The following PCSK5 variants were observed in gnomAD, a reference collection of about 807,000 sequenced individuals.
The protein encoded by PCSK5 is prohormone convertase 5.
PCSK5 carries 129 observed loss-of-function variants against 233.2 expected under a neutral mutation model. The observed-to-expected ratio is 0.55, with a 90% CI of 0.48 to 0.64. The LOEUF (loss-of-function observed/expected upper bound fraction) is 0.64, where lower values mean the gene tolerates loss of function less well. Among genes scored for constraint, PCSK5 ranks in the 30% least tolerant of loss-of-function variants. The pLI is 0.00. For synonymous variants in PCSK5, 825 were observed against 879.2 expected (o/e 0.94, Z 1.09); for missense variants, 2,076 against 2,430.1 (o/e 0.85, Z 3.06).
At chr9:76,005,520 T>A (rs771303257) in intron 3 of PCSK5, among the ~76,000 whole-genome samples, 2 of 152,202 alleles carry the variant, frequency 1.3e-5, no homozygotes, top group African/African-American at 2.4e-5. Context: ...TTCATAGAGA[T>A]CTTTATTCTT....
At chr9:76,228,567 G>A (rs1300757157) in intron 21 of PCSK5, among the ~76,000 whole-genome samples, 2 of 152,230 alleles carry the variant, frequency 1.3e-5, no homozygotes, top group East Asian at 1.9e-4. Context: ...GTATGCAAAT[G>A]GAATGAGCAT....
intron 1 of PCSK5, among the ~76,000 whole-genome samples, chr9:75,925,096 A>G (rs1008243808): frequency 6.6e-6 from 1 of 152,188 alleles, no homozygotes; most frequent in Admixed American, 6.5e-5. Context: ...TAGCCTTGTT[A>G]TAAGTATGAT....
At position 76,181,538 on chromosome 9, in the gene PCSK5, A is replaced by G. The variant is rs1255951098; in HGVS notation, c.2144A>G (p.Glu715Gly). ...TGCAAATATGGATACTTTCTGAATGAAGAAACCAACAGCTGTGTTACTCAC... is the reference window on the plus strand; with the variant it reads ...TGCAAATATGGATACTTTCTGAATGGAGAAACCAACAGCTGTGTTACTCAC... ...MSCKYGYFLN[E>G]ETNSCVTHCP... Residue 715 changes from glutamate to glycine, a missense_variant, in exon 16 of 38, where the codon GAA (glutamate) becomes GGA (glycine). Physicochemically the swap from Glu to Gly is moderately conservative, Grantham distance 98. Coordinates refer to ENST00000674117, the MANE Select transcript of PCSK5 (RefSeq NM_001372043.1). 4 of 1,613,900 alleles carry G rather than the reference A, an allele frequency of 2.5e-6. No homozygotes were observed. Among genetic ancestry groups the G allele is most frequent in the Non-Finnish European group, 3.4e-6 (4 of 1,179,948 alleles).
chr9:76,188,180 G>T (rs10869725), intron 17 of PCSK5, among the ~76,000 whole-genome samples: 38,208 of 152,062 alleles, frequency 0.25, 4,966 homozygotes, highest in Middle Eastern at 0.39. Flanking sequence ...AATAACTGTT[G>T]AATTTATTAT....
rs566986166 is a variant in PCSK5 at position 76,153,151 on chromosome 9, C to T, written c.1313-3894C>T. 3.2e-4 allele frequency among the ~76,000 whole-genome samples: 48 copies of T among 152,288 alleles called. No homozygotes were observed. The South Asian group carries it at 3.7e-3, about 12-fold the overall frequency. On this transcript the variant is annotated intron_variant, in intron 10 of 37. Coordinates refer to ENST00000674117, the MANE Select transcript of PCSK5 (RefSeq NM_001372043.1). Reference sequence around the variant, plus strand: ...TAAGCAGCCCTGAACTCTAAAGGAACAGATATAACAGTAGGCAAGTTTTGC... The same window carrying T: ...TAAGCAGCCCTGAACTCTAAAGGAATAGATATAACAGTAGGCAAGTTTTGC...
At chr9:75,948,532 TG>T (rs1465081955) in intron 2 of PCSK5, among the ~76,000 whole-genome samples, 1 of 152,112 alleles carries the variant, frequency 6.6e-6, no homozygotes, top group Non-Finnish European at 1.5e-5. Context: ...GGTGTATATG[TG>T]CCACATTTTC....
At chr9:76,332,299 C>G (rs1829558784) in intron 33 of PCSK5, 134 bp from the exon 34 acceptor site, 5 of 618,542 alleles carry the variant, frequency 8.1e-6, no homozygotes, top group Admixed American at 3.0e-5. Context: ...CCAAACATAT[C>G]CATCAGCTCA....
chr9:76,059,595 C>A (rs934618410), intron 5 of PCSK5, among the ~76,000 whole-genome samples: 6 of 152,108 alleles, frequency 3.9e-5, no homozygotes, highest in African/African-American at 1.4e-4. Context: ...GTTTTCCCAG[C>A]ACCATCTATT....
intron 24 of PCSK5, among the ~76,000 whole-genome samples, chr9:76,285,318 C>T (rs1223635260): frequency 6.6e-6 from 1 of 152,138 alleles, no homozygotes; most frequent in East Asian, 1.9e-4. Context: ...GTATGCTAAA[C>T]TACAATCAAA....
At chr9:76,300,031 A>T (rs929053281) in intron 27 of PCSK5, among the ~76,000 whole-genome samples, 2 of 152,230 alleles carry the variant, frequency 1.3e-5, no homozygotes, top group African/African-American at 4.8e-5. Flanking sequence ...AATCTACAGA[A>T]CACAGACATG....
intron 8 of PCSK5, among the ~76,000 whole-genome samples, chr9:76,099,972 G>A (rs988252702): frequency 1.3e-5 from 2 of 152,156 alleles, no homozygotes; most frequent in African/African-American, 4.8e-5. Context: ...TCTGCTTCTG[G>A]GAAAGCATTT....
chr9:76,203,502 A>G (rs1375621380), intron 20 of PCSK5, among the ~76,000 whole-genome samples: 2 of 151,816 alleles, frequency 1.3e-5, no homozygotes, highest in Non-Finnish European at 2.9e-5. Context: ...AGAAGGCAGA[A>G]GGGGAAGTTA....
chr9:75,921,433 GTAC>G (rs768562423), intron 1 of PCSK5, among the ~76,000 whole-genome samples: 1 of 152,176 alleles, frequency 6.6e-6, no homozygotes, highest in Non-Finnish European at 1.5e-5. Context: ...ATAAAAATAT[GTAC>G]TATTTTCTGT....
chr9:76,320,472 T>C (rs545592520), intron 30 of PCSK5, among the ~76,000 whole-genome samples: 19,199 of 130,620 alleles, frequency 0.15, 2,077 homozygotes, highest in African/African-American at 0.2. Flanking sequence ...TAGCTTTTTT[T>C]TTTTTTTTTT....
chr9:76,029,075 G>A (rs1206393180), intron 5 of PCSK5, among the ~76,000 whole-genome samples: 2 of 152,128 alleles, frequency 1.3e-5, no homozygotes, highest in East Asian at 1.9e-4. Context: ...GCTGTTGGGG[G>A]CAGGTGGGGT....
chr9:76,293,200 G>A (rs1490278542), intron 25 of PCSK5, among the ~76,000 whole-genome samples: 1 of 152,178 alleles, frequency 6.6e-6, no homozygotes, highest in East Asian at 1.9e-4. Context: ...GGTGACAAGA[G>A]AAGGCGACCC....
chr9:76,061,563 G>A (rs981950995), intron 5 of PCSK5, among the ~76,000 whole-genome samples: 11 of 152,044 alleles, frequency 7.2e-5, no homozygotes, highest in Admixed American at 1.3e-4. Flanking sequence ...AACTTACGAA[G>A]ACTAATGAAG....
At chr9:76,332,378 G>T in intron 33 of PCSK5, 55 bp from the exon 34 acceptor site, 1 of 1,371,788 alleles carries the variant, frequency 7.3e-7, no homozygotes, top group Non-Finnish European at 1.0e-6. Flanking sequence ...GGAAAATACA[G>T]GGGAGACATG....
intron 2 of PCSK5, among the ~76,000 whole-genome samples, chr9:75,957,026 A>G (rs900244374): frequency 6.6e-6 from 1 of 152,130 alleles, no homozygotes; most frequent in Non-Finnish European, 1.5e-5. Flanking sequence ...GGGAAAATTC[A>G]TAGAAGAGCC....
Sources: allele counts gnomAD v4.1 joint callset (sites outside exome capture counted in the v4.1 genomes callset), GRCh38; gene constraint gnomAD v4.1.1; transcripts MANE v1.5; gene names NCBI Gene and HGNC (gene_info 2026-07-23, HGNC 2026-07-21).